CLSTN2: variants seen among roughly 807,000 people sequenced by gnomAD.
The protein encoded by CLSTN2 is calsyntenin 2.
CLSTN2 carries 48 observed loss-of-function variants against 101.2 expected under a neutral mutation model. The ratio of observed to expected loss-of-function variants is 0.47; its 90% CI spans 0.38 to 0.60. The LOEUF (loss-of-function observed/expected upper bound fraction) is 0.60. CLSTN2 is among the 20% of genes least tolerant of loss of function. The pLI, the probability that CLSTN2 is intolerant of heterozygous loss-of-function variation, is 0.00. For synonymous variants in CLSTN2, 481 were observed against 463.6 expected, an observed-to-expected ratio of 1.04 and a Z score of -0.48; for missense variants, 1,160 against 1,238.2, an observed-to-expected ratio of 0.94 and a Z score of 0.95.
intron 8 of CLSTN2, among the ~76,000 whole-genome samples, chr3:140,483,874 T>C (rs1934182200): frequency 1.3e-5 from 2 of 152,174 alleles, no homozygotes; most frequent in Non-Finnish European, 2.9e-5. Flanking sequence ...ATGAGATGGG[T>C]TTCCTGAATA....
At chr3:140,176,381 A>G (rs1468818089) in intron 2 of CLSTN2, among the ~76,000 whole-genome samples, 2 of 152,198 alleles carry the variant, frequency 1.3e-5, no homozygotes, top group African/African-American at 4.8e-5. Flanking sequence ...TAAGGTTCTT[A>G]GGGGAATTTT....
chr3:140,487,436 A>C (rs945603207), intron 8 of CLSTN2, among the ~76,000 whole-genome samples: 1 of 152,244 alleles, frequency 6.6e-6, no homozygotes, highest in African/African-American at 2.4e-5. Flanking sequence ...AAGCTAATTA[A>C]AGGTAAAACC....
At chr3:140,140,413 A>C (rs1241978812) in intron 1 of CLSTN2, among the ~76,000 whole-genome samples, 1 of 151,994 alleles carries the variant, frequency 6.6e-6, no homozygotes, top group East Asian at 1.9e-4. Flanking sequence ...AGAGAGAGAG[A>C]GAGAGGAGGA....
intron 7 of CLSTN2, among the ~76,000 whole-genome samples, chr3:140,465,182 G>A (rs1933659500): frequency 6.6e-6 from 1 of 152,188 alleles, no homozygotes; most frequent in Admixed American, 6.5e-5. Flanking sequence ...CCAGAGCTAT[G>A]AAGGCTCATG....
intron 1 of CLSTN2, among the ~76,000 whole-genome samples, chr3:140,167,560 A>G (rs577146638): frequency 4.9e-4 from 74 of 152,326 alleles, no homozygotes; most frequent in Non-Finnish European, 7.8e-4. Context: ...TAATTTACAC[A>G]GACAGAATAA....
intron 1 of CLSTN2, among the ~76,000 whole-genome samples, chr3:139,964,857 G>A (rs1183953864): frequency 2.0e-5 from 3 of 152,086 alleles, no homozygotes; most frequent in Admixed American, 6.5e-5. Context: ...TTTACCTCCC[G>A]GCCACACATC....
intron 8 of CLSTN2, among the ~76,000 whole-genome samples, chr3:140,494,968 G>A (rs1328745155): frequency 6.6e-6 from 1 of 152,022 alleles, no homozygotes; most frequent in Non-Finnish European, 1.5e-5. Context: ...TATTCCTTCG[G>A]ATATATACCC....
chr3:140,437,849 C>G (rs1363979132), intron 5 of CLSTN2, among the ~76,000 whole-genome samples: 2 of 152,152 alleles, frequency 1.3e-5, no homozygotes, highest in Non-Finnish European at 2.9e-5. Flanking sequence ...TCCCATAGTT[C>G]AATTAATGCA....
At chr3:140,334,519 C>A (rs968915668) in intron 2 of CLSTN2, among the ~76,000 whole-genome samples, 4 of 152,244 alleles carry the variant, frequency 2.6e-5, no homozygotes, top group African/African-American at 9.6e-5. Flanking sequence ...AGGCCCTGGA[C>A]TGGACTGTGG....
chr3:140,401,699 G>T (rs577024121), intron 2 of CLSTN2, among the ~76,000 whole-genome samples: 27 of 152,340 alleles, frequency 1.8e-4, no homozygotes, highest in African/African-American at 6.5e-4. Flanking sequence ...GCACTCCAGA[G>T]AATGCCCCAG....
intron 8 of CLSTN2, among the ~76,000 whole-genome samples, chr3:140,479,565 A>G (rs542347039): frequency 6.6e-6 from 1 of 152,354 alleles, no homozygotes; most frequent in African/African-American, 2.4e-5. Context: ...TAACTTTAAA[A>G]CAGTATTCTA....
chr3:140,558,897 A>AT, intron 12 of CLSTN2, 40 bp downstream of exon 12: 3 of 1,523,082 alleles, frequency 2.0e-6, no homozygotes, highest in Non-Finnish European at 2.7e-6. Flanking sequence ...GTGGACCTTA[A>AT]TTTTTTACAG....
At chr3:140,044,637 G>A (rs2007832128) in intron 1 of CLSTN2, among the ~76,000 whole-genome samples, 1 of 152,132 alleles carries the variant, frequency 6.6e-6, no homozygotes, top group Non-Finnish European at 1.5e-5. Flanking sequence ...TCCAGTTTTT[G>A]CCCATTCAGT....
chr3:140,220,108 C>T (rs180882809), intron 2 of CLSTN2, among the ~76,000 whole-genome samples: 4 of 152,212 alleles, frequency 2.6e-5, no homozygotes, highest in Non-Finnish European at 4.4e-5. Flanking sequence ...GCCTCTACTG[C>T]TTTTCCTGCA....
chr3:140,430,463 T>C (rs1209597207), intron 5 of CLSTN2, among the ~76,000 whole-genome samples: 1 of 152,220 alleles, frequency 6.6e-6, no homozygotes, highest in African/African-American at 2.4e-5. Flanking sequence ...GTTTTATTCT[T>C]AGTGCATGTA....
chr3:140,552,794 C>T (rs1455390986), intron 10 of CLSTN2, among the ~76,000 whole-genome samples: 5 of 152,142 alleles, frequency 3.3e-5, no homozygotes. Context: ...TTGAGGTGCT[C>T]ACAATCTGCT....
intron 1 of CLSTN2, among the ~76,000 whole-genome samples, chr3:140,122,762 A>G (rs1424329733): frequency 6.6e-6 from 1 of 152,118 alleles, no homozygotes; most frequent in African/African-American, 2.4e-5. Context: ...TGCAAACTTG[A>G]TCTGTAAAGG....
intron 5 of CLSTN2, among the ~76,000 whole-genome samples, chr3:140,434,449 G>A (rs1006639862): frequency 6.6e-6 from 1 of 152,194 alleles, no homozygotes; most frequent in Non-Finnish European, 1.5e-5. Context: ...AGCTGGAGCG[G>A]TGGTGAGGTG....
In CLSTN2 at chr3:140,016,575, C is replaced by T. The variant is rs1255983065; in HGVS notation, c.109+81092C>T. 4.6e-5 allele frequency among the ~76,000 whole-genome samples: 7 copies of T among 151,648 alleles called. No individual in the cohort carries two copies. The South Asian group carries it at 6.3e-4, about 14-fold the overall frequency. On this transcript the variant is annotated intron_variant, in intron 1 of 16. Transcript: ENST00000458420. ...CAGGACTTTGGGAGGCCGAGGCGGG[C>T]GGATCATGAGGTCAGGAGATGGAGA...
Sources: gnomAD v4.1 joint callset for allele counts (sites outside exome capture counted in the v4.1 genomes callset) on GRCh38, gnomAD v4.1.1 for gene constraint, MANE v1.5 for transcripts, NCBI Gene and HGNC (gene_info 2026-07-23, HGNC 2026-07-21) for gene names.